The following ADAM12 variants were observed in gnomAD, a reference collection of about 807,000 sequenced individuals.
The protein encoded by ADAM12 is ADAM metallopeptidase domain 12, also known as disintegrin and metalloproteinase domain-containing protein 12.
In ADAM12, 70 loss-of-function variants were observed where a neutral mutation model predicts 106.4. The observed-to-expected ratio is 0.66, with a 90% confidence interval of 0.54 to 0.80. The LOEUF is 0.80. Among genes scored for constraint, ADAM12 ranks in the 30% least tolerant of loss-of-function variants. The pLI, the probability that ADAM12 is intolerant of heterozygous loss-of-function variation, is 0.00. For synonymous variants in ADAM12, 420 were observed against 433.5 expected (o/e 0.97, Z 0.39); for missense variants, 1,010 against 1,171.9 (o/e 0.86, Z 2.02).
At chr10:126,356,459 C>T (rs1361992792) in intron 1 of ADAM12, among the ~76,000 whole-genome samples, 1 of 152,172 alleles carries the variant, frequency 6.6e-6, no homozygotes, top group African/African-American at 2.4e-5. Context: ...CCAATTGGCC[C>T]ATCCGGAATC....
At chr10:126,262,369 GT>G (rs1373024081) in intron 3 of ADAM12, among the ~76,000 whole-genome samples, 1 of 152,100 alleles carries the variant, frequency 6.6e-6, no homozygotes, top group Non-Finnish European at 1.5e-5. Flanking sequence ...ATTTAGCCAA[GT>G]TTTGTCTTTG....
chr10:126,271,679 C>T (rs1273441961), intron 3 of ADAM12, among the ~76,000 whole-genome samples: 1 of 152,200 alleles, frequency 6.6e-6, no homozygotes, highest in Non-Finnish European at 1.5e-5. Flanking sequence ...GTGGGAGGAT[C>T]ACCTGAGCCC....
chr10:126,082,357 AT>A, intron 11 of ADAM12, among the ~76,000 whole-genome samples: 1 of 117,308 alleles, frequency 8.5e-6, no homozygotes, highest in East Asian at 2.5e-4. Flanking sequence ...AGACAATCTA[AT>A]GACTGTTTTT....
At chr10:126,048,721 C>CA (rs59922804) in intron 16 of ADAM12, among the ~76,000 whole-genome samples, 4,341 of 140,466 alleles carry the variant, frequency 0.031, 198 homozygotes, top group African/African-American at 0.098. Context: ...TTTTTTCTTC[C>CA]AAAAAAAAAA....
intron 8 of ADAM12, among the ~76,000 whole-genome samples, chr10:126,106,779 C>T (rs531485193): frequency 2.0e-5 from 3 of 152,230 alleles, no homozygotes; most frequent in South Asian, 2.1e-4. Flanking sequence ...CCACCGCGCC[C>T]GCTCAGGCCT....
intron 3 of ADAM12, among the ~76,000 whole-genome samples, chr10:126,229,111 A>G (rs972477480): frequency 6.6e-6 from 1 of 152,220 alleles, no homozygotes; most frequent in Non-Finnish European, 1.5e-5. Context: ...GGATTTCTTT[A>G]CCCAAGTGAT....
chr10:126,047,030 C>T (rs1375727723), intron 16 of ADAM12, among the ~76,000 whole-genome samples: 1 of 152,058 alleles, frequency 6.6e-6, no homozygotes, highest in Non-Finnish European at 1.5e-5. Context: ...ACAGACGGCT[C>T]CTTGAATTTA....
At chr10:126,287,373 T>C (rs1959918382) in intron 2 of ADAM12, among the ~76,000 whole-genome samples, 1 of 152,166 alleles carries the variant, frequency 6.6e-6, no homozygotes, top group South Asian at 2.1e-4. Flanking sequence ...GAAAACACTA[T>C]GACATGGATT....
Position 126,105,716 on chromosome 10 carries a change from G to A in ADAM12, c.741+2877C>T, listed in dbSNP as rs562352736. On this transcript the variant is annotated intron_variant, in intron 8 of 22. Transcript: ENST00000448723. ...GGGGTTCTAATGTCCAGTCTAGACCGAGGTCCAGTTCTAACTGCCGTGCTA... is the reference window on the plus strand; with the variant it reads ...GGGGTTCTAATGTCCAGTCTAGACCAAGGTCCAGTTCTAACTGCCGTGCTA... 1.0e-3 allele frequency among the ~76,000 whole-genome samples: 156 copies of A among 152,282 alleles called. No individual in the cohort carries two copies. In the Middle Eastern group the frequency reaches 0.014, roughly 13 times the overall value.
intron 2 of ADAM12, among the ~76,000 whole-genome samples, chr10:126,296,131 T>G (rs951009931): frequency 1.3e-5 from 2 of 152,126 alleles, no homozygotes; most frequent in African/African-American, 4.8e-5. Context: ...AAATAAAATA[T>G]TTGGTAGGTA....
rs775879570 is a variant in ADAM12, at chr10:126,098,410, G to A, written c.996+6C>T. The A allele has an allele frequency of 1.2e-5, 20 of 1,612,936 alleles. No individual in the cohort carries two copies. Among genetic ancestry groups the A allele is most frequent in the Admixed American group, 1.7e-5 (1 of 59,996 alleles). The stretch of plus-strand genomic sequence containing the variant: ...GGGGAACCAGCTCCCAATGCCCTTG[G>A]CTTACCATGACAATTCCCCCAGACT... On this transcript the variant is annotated splice_donor_region_variant and intron_variant, in intron 10 of 22. Transcript: ENST00000448723.
rs952851155 is a variant in ADAM12 at position 126,014,921 on chromosome 10, C to T, written c.*2358G>A. On this transcript the variant is annotated 3_prime_UTR_variant, in exon 23 of 23. Transcript: ENST00000448723. ...AAAGAATACTCCACCCCGTGCCTCCCCCAACCACAAAACACCCTGGTTATT... is the reference window on the plus strand; with the variant it reads ...AAAGAATACTCCACCCCGTGCCTCCTCCAACCACAAAACACCCTGGTTATT... 1.3e-5 allele frequency: 2 copies of T among 152,058 alleles called. No individual in the cohort carries two copies. The highest frequency in any genetic ancestry group is 2.4e-5 in the African/African-American group (1 of 41,380). The allele number at this position is 152,058 out of a possible 1,614,324, so 9.4% of individuals were successfully genotyped here.
chr10:126,302,908 G>A (rs1040954510), intron 2 of ADAM12, among the ~76,000 whole-genome samples: 1 of 152,128 alleles, frequency 6.6e-6, no homozygotes, highest in Non-Finnish European at 1.5e-5. Flanking sequence ...TGGCAGTGAC[G>A]CCAGAAAAGA....
At chr10:126,121,137 A>ATAGTATATATAGTATATTTAGT in intron 5 of ADAM12, among the ~76,000 whole-genome samples, 1 of 28,610 alleles carries the variant, frequency 3.5e-5, no homozygotes, top group East Asian at 1.5e-3. Context: ...TATACTATAT[A>ATAGTATATATAGTATATTTAGT]CTATATATAC....
intron 3 of ADAM12, among the ~76,000 whole-genome samples, chr10:126,256,564 C>T (rs1397463822): frequency 6.6e-6 from 1 of 152,216 alleles, no homozygotes; most frequent in African/African-American, 2.4e-5. Context: ...CTGGGGCCTT[C>T]AGGAGCTTAC....
At chr10:126,291,656 G>A (rs1960153309) in intron 2 of ADAM12, among the ~76,000 whole-genome samples, 1 of 152,168 alleles carries the variant, frequency 6.6e-6, no homozygotes, top group Non-Finnish European at 1.5e-5. Flanking sequence ...CGGGAGGAAT[G>A]GGACAGAGGT....
intron 1 of ADAM12, among the ~76,000 whole-genome samples, chr10:126,381,876 G>A (rs1315891317): frequency 1.3e-5 from 2 of 151,882 alleles, no homozygotes; most frequent in African/African-American, 4.8e-5. Context: ...TAGGGAGGCT[G>A]AGGTAGGAGG....
At chr10:126,225,529 C>T (rs765531611) in intron 3 of ADAM12, among the ~76,000 whole-genome samples, 4 of 152,258 alleles carry the variant, frequency 2.6e-5, no homozygotes, top group East Asian at 3.9e-4. Context: ...GGTTTTTAGC[C>T]GTGAGCCCGA....
chr10:126,094,339 G>A (rs921087265), intron 10 of ADAM12, among the ~76,000 whole-genome samples: 1 of 152,058 alleles, frequency 6.6e-6, no homozygotes, highest in Admixed American at 6.6e-5. Flanking sequence ...GGGTCCTTTC[G>A]GCTGAGGAAT....
Sources: gnomAD v4.1 joint callset for allele counts (sites outside exome capture counted in the v4.1 genomes callset) on GRCh38, gnomAD v4.1.1 for gene constraint, MANE v1.5 for transcripts, NCBI Gene and HGNC (gene_info 2026-07-23, HGNC 2026-07-21) for gene names.